Variants in DIAPH2 observed in about 807,000 individuals in gnomAD.
The protein encoded by DIAPH2 is diaphanous related formin 2, also known as protein diaphanous homolog 2.
DIAPH2 carries 35 observed loss-of-function variants against 92.7 expected under a neutral mutation model. The ratio of observed to expected loss-of-function variants is 0.38; its 90% CI spans 0.29 to 0.50. DIAPH2 has a LOEUF of 0.50. Ranked by LOEUF, DIAPH2 falls within the 20% of genes least tolerant of loss-of-function variation. The pLI, the probability that DIAPH2 is intolerant of heterozygous loss-of-function variation, is 0.94. For synonymous variants in DIAPH2, 301 were observed against 280.4 expected (o/e 1.07, Z -0.73); for missense variants, 701 against 819.5 (o/e 0.86, Z 1.77).
intron 17 of DIAPH2, among the ~76,000 whole-genome samples, chrX:96,982,775 T>C (rs910775455): frequency 8.9e-6 from 1 of 112,550 alleles, no homozygotes; most frequent in African/African-American, 3.2e-5. Context: ...AATATTAATA[T>C]AGCTGCATGA....
At position 97,515,045 on chromosome X, in the gene DIAPH2, G is replaced by T. The variant is rs1346145991; in HGVS notation, c.3242-84208G>T. Among the ~76,000 whole-genome samples the T allele has an allele frequency of 5.4e-4, 60 of 111,069 alleles. 1 individual carries two copies. The highest frequency in any genetic ancestry group is 4.6e-3 in the Middle Eastern group (1 of 216). ...AGCTGTGGTGGGCTCCACCCAGTTC[G>T]AGCTTCCTGGCTGCTTTGTTTACCT... is the stretch of plus-strand genomic sequence containing the variant. On this transcript the variant is annotated intron_variant, in intron 26 of 26. Coordinates refer to ENST00000324765, the MANE Select transcript of DIAPH2 (RefSeq NM_006729.5).
intron 22 of DIAPH2, among the ~76,000 whole-genome samples, chrX:97,183,176 T>C (rs2067553832): frequency 9.0e-6 from 1 of 111,514 alleles, no homozygotes; most frequent in East Asian, 2.8e-4. Context: ...GTATAAGACA[T>C]GGGTTGGAAA....
intron 1 of DIAPH2, among the ~76,000 whole-genome samples, chrX:96,692,149 C>T (rs1437932598): frequency 2.7e-5 from 3 of 111,773 alleles, no homozygotes; most frequent in Non-Finnish European, 5.6e-5. Flanking sequence ...TTCAAACGTG[C>T]TAAAAAGTAG....
At chrX:96,692,146 G>A (rs912859533) in intron 1 of DIAPH2, among the ~76,000 whole-genome samples, 6 of 111,714 alleles carry the variant, frequency 5.4e-5, no homozygotes, top group Non-Finnish European at 1.1e-4. Flanking sequence ...ATTTTCAAAC[G>A]TGCTAAAAAG....
intron 26 of DIAPH2, among the ~76,000 whole-genome samples, chrX:97,452,806 C>T (rs1260220812): frequency 8.9e-6 from 1 of 112,293 alleles, no homozygotes; most frequent in Non-Finnish European, 1.9e-5. Context: ...GTCCCTGGCA[C>T]ATAATATGTC....
intron 4 of DIAPH2, among the ~76,000 whole-genome samples, chrX:96,805,003 A>G (rs1285542128): frequency 9.0e-6 from 1 of 111,113 alleles, no homozygotes; most frequent in Non-Finnish European, 1.9e-5. Context: ...ATTCTCTAAC[A>G]TGCAAACAAA....
Position 96,912,410 on chromosome X carries a change from T to G in DIAPH2, c.662+8T>G. ...GCTTCTGGACAAAAAACAGTAAGAA[T>G]AAACACTGAAATTAAAATCACCAAA... On this transcript the variant is annotated splice_region_variant and intron_variant, in intron 6 of 26. Transcript: ENST00000324765. 1 of 1,201,120 alleles carries G rather than the reference T, an allele frequency of 8.3e-7. No homozygotes were observed. The highest frequency in any genetic ancestry group is 1.1e-6 in the Non-Finnish European group (1 of 889,476).
intron 4 of DIAPH2, among the ~76,000 whole-genome samples, chrX:96,777,342 A>G (rs2064383567): frequency 8.9e-6 from 1 of 112,007 alleles, no homozygotes; most frequent in South Asian, 3.7e-4. Flanking sequence ...GATGTAAAAC[A>G]ACAGAATCTC....
chrX:97,093,632 A>G (rs752194846), intron 19 of DIAPH2, among the ~76,000 whole-genome samples: 1 of 112,283 alleles, frequency 8.9e-6, no homozygotes, highest in Non-Finnish European at 1.9e-5. Flanking sequence ...ACAAAATAGG[A>G]CATAAACAAA....
At chrX:97,372,237 A>G (rs766635478) in intron 24 of DIAPH2, among the ~76,000 whole-genome samples, 9 of 112,162 alleles carry the variant, frequency 8.0e-5, no homozygotes, top group Non-Finnish European at 1.7e-4. Context: ...GCCAGCCTTC[A>G]TTATCGGTGC....
At chrX:97,251,722 C>T (rs1186670657) in intron 23 of DIAPH2, among the ~76,000 whole-genome samples, 1 of 111,904 alleles carries the variant, frequency 8.9e-6, no homozygotes, top group Non-Finnish European at 1.9e-5. Context: ...AGCGCCCGGC[C>T]TATGTGAAAG....
chrX:97,174,415 G>C (rs929408895), intron 22 of DIAPH2, among the ~76,000 whole-genome samples: 3 of 111,562 alleles, frequency 2.7e-5, no homozygotes, highest in Non-Finnish European at 5.6e-5. Context: ...TTACATTCTC[G>C]TGTGTTGGCA....
intron 25 of DIAPH2, among the ~76,000 whole-genome samples, chrX:97,419,878 G>GT (rs1219823654): frequency 9.0e-6 from 1 of 111,609 alleles, no homozygotes; most frequent in Non-Finnish European, 1.9e-5. Flanking sequence ...TTCCAAATTT[G>GT]TTTTTTACTT....
intron 23 of DIAPH2, among the ~76,000 whole-genome samples, chrX:97,313,654 T>G (rs1179045511): frequency 9.0e-6 from 1 of 111,047 alleles, no homozygotes; most frequent in Non-Finnish European, 1.9e-5. Context: ...ACTGTTTTTT[T>G]TTGAGACAGA....
At position 96,881,779 on chromosome X, in the gene DIAPH2, G is replaced by A. The variant is rs2065214737; in HGVS notation, c.587+61G>A. On this transcript the variant is annotated intron_variant, in intron 5 of 26. Transcript: ENST00000324765. ...AATTTGTAGTGCATATAATTGTTTG[G>A]GAATATAATAAGTTTTGTTATTTAA... The A allele has an allele frequency of 2.9e-5, 32 of 1,089,948 alleles. No homozygotes were observed. In the South Asian group the frequency reaches 5.7e-4, roughly 20 times the overall value. 89.8% of individuals were successfully genotyped at this position (1,089,948 alleles called of 1,213,427 possible).
chrX:96,926,077 A>T (rs780030585), intron 9 of DIAPH2, among the ~76,000 whole-genome samples: 26 of 111,564 alleles, frequency 2.3e-4, no homozygotes, highest in African/African-American at 8.4e-4. Context: ...TAAATGTACA[A>T]TTTGTCACAG....
intron 23 of DIAPH2, among the ~76,000 whole-genome samples, chrX:97,254,448 C>T (rs752354911): frequency 2.5e-4 from 24 of 96,417 alleles, no homozygotes; most frequent in African/African-American, 8.6e-4. Context: ...GCTGAGATCA[C>T]ACCATTGCAC....
At chrX:96,873,391 T>C (rs2065156553) in intron 4 of DIAPH2, among the ~76,000 whole-genome samples, 1 of 111,385 alleles carries the variant, frequency 9.0e-6, no homozygotes, top group Admixed American at 9.7e-5. Context: ...TGTCTCTTTG[T>C]TGATTGTTTG....
In DIAPH2 at chrX:97,514,022, C is replaced by T. The variant is rs980982695; in HGVS notation, c.3241+84277C>T. 1.5e-4 allele frequency among the ~76,000 whole-genome samples: 16 copies of T among 107,145 alleles called. No homozygotes were observed. The East Asian group carries it at 1.7e-3, about 12-fold the overall frequency. The allele number at this position is 107,145 out of a possible 115,157, so 93.0% of individuals were successfully genotyped here. On this transcript the variant is annotated intron_variant, in intron 26 of 26. Transcript: ENST00000324765. ...CTCTTCTCTAGGAGAATCTTTGTGG[C>T]GTTCTCTGTATTTCCTGAATCTGAA...
Sources: gnomAD v4.1 joint callset for allele counts (sites outside exome capture counted in the v4.1 genomes callset) on GRCh38, gnomAD v4.1.1 for gene constraint, MANE v1.5 for transcripts, NCBI Gene and HGNC (gene_info 2026-07-23, HGNC 2026-07-21) for gene names.